PLEKHA4: variants seen among roughly 807,000 people sequenced by gnomAD.
The protein encoded by PLEKHA4 is pleckstrin homology domain-containing family A member 4.
In PLEKHA4, 73 loss-of-function variants were observed where a neutral mutation model predicts 94.7. The observed-to-expected ratio is 0.77, with a 90% CI of 0.64 to 0.94. The LOEUF is 0.94. PLEKHA4 is among the 40% of genes least tolerant of loss of function. PLEKHA4 has a pLI of 0.00. For synonymous variants in PLEKHA4, 449 were observed against 437.1 expected, an observed-to-expected ratio of 1.03 and a Z score of -0.34; for missense variants, 1,049 against 1,054.1, an observed-to-expected ratio of 1.00 and a Z score of 0.07.
intron 13 of PLEKHA4, among the ~76,000 whole-genome samples, chr19:48,848,703 A>C (rs1330731949): frequency 6.6e-6 from 1 of 151,260 alleles, no homozygotes; most frequent in East Asian, 2.0e-4. Context: ...AGGCTGAGGC[A>C]GGAGAATTGC....
Position 48,838,329 on chromosome 19 carries a change from A to AT in PLEKHA4, c.1965-201_1965-200insA, listed in dbSNP as rs2035621721. On this transcript the variant is annotated intron_variant, in intron 18 of 19. Transcript: ENST00000263265. ...CTAGATTGTTTATACATCAAAGGGT[A>AT]AATCCTTGAAAGGGGATGGATACCC... 21 of 399,884 alleles carry AT rather than the reference A, an allele frequency of 5.3e-5. 1 individual carries two copies. The South Asian group carries it at 9.3e-4, about 18-fold the overall frequency. The allele number at this position is 399,884 out of a possible 1,614,324, so 24.8% of individuals were successfully genotyped here.
rs748513152 is a variant in PLEKHA4, at chr19:48,845,652, T to C, written c.1567-36A>G. 9 of 1,367,432 alleles carry C rather than the reference T, an allele frequency of 6.6e-6. No individual in the cohort carries two copies. In the South Asian group the frequency reaches 1.2e-4, roughly 19 times the overall value. The allele number at this position is 1,367,432 out of a possible 1,614,324, so 84.7% of individuals were successfully genotyped here. ...TAGAAAAGGGGGATAATGATGATCA[T>C]TATAATAATTATTATTATTACCATG... On this transcript the variant is annotated intron_variant, in intron 14 of 19. Transcript: ENST00000263265.
At position 48,853,848 on chromosome 19, in the gene PLEKHA4, G is replaced by C. The variant is rs1425501851; in HGVS notation, c.1177-17C>G. On this transcript the variant is annotated splice_polypyrimidine_tract_variant and intron_variant, in intron 11 of 19. Coordinates refer to ENST00000263265, the MANE Select transcript of PLEKHA4 (RefSeq NM_020904.3). Reference sequence around the variant, plus strand: ...TAGTTGCTCCTGCACCAAGACAGAAGGTGGTTAGACTTCAGAAGCCATGCC... The same window carrying C: ...TAGTTGCTCCTGCACCAAGACAGAACGTGGTTAGACTTCAGAAGCCATGCC... 6.3e-7 allele frequency: 1 copy of C among 1,597,128 alleles called. No individual in the cohort carries two copies.
chr19:48,868,104 C>CG lies in PLEKHA4; in HGVS notation c.-29dup, dbSNP rs574381481. 7.8e-4 allele frequency: 126 copies of CG among 161,566 alleles called. No individual in the cohort carries two copies. Among genetic ancestry groups the CG allele is most frequent in the Middle Eastern group, 3.2e-3 (1 of 314 alleles). The allele number at this position is 161,566 out of a possible 1,614,324, so 10.0% of individuals were successfully genotyped here. ...TTACCCAGCTCTGGGGTCCCAGTGA[C>CG]GGGGGGGCAAGAGGACGGTGTGGGT... On this transcript the variant is annotated 5_prime_UTR_variant, in exon 1 of 20. Transcript: ENST00000263265.
chr19:48,861,258 C>G, intron 5 of PLEKHA4, 143 bp downstream of exon 5: 1 of 759,766 alleles, frequency 1.3e-6, no homozygotes, highest in East Asian at 2.5e-5. Context: ...AACGAGGATG[C>G]AATTGACGCT....
chr19:48,837,299 G>T lies in PLEKHA4; in HGVS notation c.2330C>A (p.Ser777Tyr), dbSNP rs1022311244. 3 of 1,613,888 alleles carry T rather than the reference G, an allele frequency of 1.9e-6. No homozygotes were observed. The highest frequency in any genetic ancestry group is 2.5e-6 in the Non-Finnish European group (3 of 1,180,032). Residue 777 changes from serine to tyrosine, a missense_variant, in exon 20 of 20, where the codon TCC (serine) becomes TAC (tyrosine). Physicochemically the swap from Ser to Tyr is moderately radical, Grantham distance 144. Transcript: ENST00000263265. The surrounding 1 kb of genome is among the most constrained non-coding windows in gnomAD (Gnocchi z 4.3). ...AWPLRVTLLQ[S>Y]SF ...CCGCTTTTGGGCGGATTAGAAGCTG[G>T]ATTGTAGCAGAGTGACTCGCAGAGG...
At position 48,837,200 on chromosome 19, in the gene PLEKHA4, G is replaced by T; in HGVS notation, c.*89C>A. The T allele has an allele frequency of 6.3e-7, 1 of 1,587,810 alleles. No individual in the cohort carries two copies. The highest frequency in any genetic ancestry group is 8.6e-7 in the Non-Finnish European group (1 of 1,157,748). ...GGGCCCGCAATGGGGACCAGACCAC[G>T]CCCCCTGATGCCCTGAGTGGTCCCA... On this transcript the variant is annotated 3_prime_UTR_variant, in exon 20 of 20. Coordinates refer to ENST00000263265, the MANE Select transcript of PLEKHA4 (RefSeq NM_020904.3). The surrounding 1 kb of genome is among the most constrained non-coding windows in gnomAD (Gnocchi z 4.3).
Position 48,858,040 on chromosome 19 carries a change from A to G in PLEKHA4, c.973-544T>C, listed in dbSNP as rs10425000. Among the ~76,000 whole-genome samples the G allele has an allele frequency of 8.8e-3, 1,342 of 152,198 alleles. 22 individuals carry two copies. The highest frequency in any genetic ancestry group is 0.03 in the African/African-American group (1,231 of 41,526). On this transcript the variant is annotated intron_variant, in intron 8 of 19. Coordinates refer to ENST00000263265, the MANE Select transcript of PLEKHA4 (RefSeq NM_020904.3). ...TGAGGTTCAGAACTGGGCCCTCTCA[A>G]CTTCCTCAACTACCTGCTCTCCAGC...
rs2035749109 is a variant in PLEKHA4 at position 48,841,169 on chromosome 19, G to A, written c.1885C>T (p.Gln629Ter). The A allele has an allele frequency of 1.9e-6, 3 of 1,611,040 alleles. No homozygotes were observed. Among genetic ancestry groups the A allele is most frequent in the African/African-American group, 2.7e-5 (2 of 74,906 alleles). Reference protein sequence around the residue: ...LGRTLSPARRQPDVEQRPVVG... With the variant: ...LGRTLSPARR ...CTCACCCTTTGCTCCACGTCAGGCTGGCGTCTGGCTGGGGACAGTGTCCTT... is the reference window on the plus strand; with the variant it reads ...CTCACCCTTTGCTCCACGTCAGGCTAGCGTCTGGCTGGGGACAGTGTCCTT... The change falls in exon 17 of 20, where the codon CAG (glutamine) becomes TAG (stop). Residue 629 changes from glutamine to a stop codon, truncating the protein, a stop_gained. Coordinates refer to ENST00000263265, the MANE Select transcript of PLEKHA4 (RefSeq NM_020904.3). LOFTEE classifies it high-confidence loss of function.
intron 18 of PLEKHA4, 24 bp downstream of exon 18, chr19:48,839,181 T>A: frequency 1.3e-6 from 2 of 1,544,304 alleles, no homozygotes; most frequent in Non-Finnish European, 1.8e-6. Context: ...TCCTGCTCCC[T>A]TGATACGCCC....
rs1405217043 is a variant in PLEKHA4 at position 48,861,452 on chromosome 19, A to G, written c.315T>C (p.Asn105=). Residue 105 remains asparagine (N), a synonymous_variant, in exon 5 of 20, where the codon AAT becomes AAC. Coordinates refer to ENST00000263265, the MANE Select transcript of PLEKHA4 (RefSeq NM_020904.3). ...VLGSVLLPSY[N]IRPDGPGAPR... is the part of the protein sequence containing the mutation. ...GGGCTCCCGGCCCATCTGGTCTAAT[A>G]TTGTAGCTGGGGAGCAGGACGCTGC... The G allele has an allele frequency of 6.2e-7, 1 of 1,613,932 alleles. No homozygotes were observed. Among genetic ancestry groups the G allele is most frequent in the Non-Finnish European group, 8.5e-7 (1 of 1,180,036 alleles).
Position 48,837,265 on chromosome 19 carries a change from G to T in PLEKHA4, c.*24C>A, listed in dbSNP as rs1399682421. The T allele has an allele frequency of 6.2e-7, 1 of 1,613,854 alleles. No individual in the cohort carries two copies. Among genetic ancestry groups the T allele is most frequent in the Non-Finnish European group, 8.5e-7 (1 of 1,180,004 alleles). Reference sequence around the variant, plus strand: ...CCTCCAGACCACGTCCTCGCGCTCCGATTGGCTGCCGCTTTTGGGCGGATT... The same window carrying T: ...CCTCCAGACCACGTCCTCGCGCTCCTATTGGCTGCCGCTTTTGGGCGGATT... On this transcript the variant is annotated 3_prime_UTR_variant, in exon 20 of 20. Transcript: ENST00000263265. This position sits in a 1 kb window ranked among gnomAD's most constrained non-coding sequence, Gnocchi z 4.3.
intron 5 of PLEKHA4, 65 bp from the exon 6 acceptor site, chr19:48,860,524 C>T (rs937566739): frequency 7.9e-6 from 10 of 1,262,658 alleles, no homozygotes; most frequent in African/African-American, 1.5e-5. Context: ...CAGGCCGGAC[C>T]GGTGACTCAT....
intron 5 of PLEKHA4, among the ~76,000 whole-genome samples, chr19:48,860,926 G>T (rs529912110): frequency 6.6e-6 from 1 of 152,272 alleles, no homozygotes. Context: ...GAAAGGACTG[G>T]ACAGACGCGG....
At chr19:48,843,042 A>G (rs2035826816) in intron 16 of PLEKHA4, among the ~76,000 whole-genome samples, 1 of 152,068 alleles carries the variant, frequency 6.6e-6, no homozygotes, top group Non-Finnish European at 1.5e-5. Context: ...GCAGGCTCCA[A>G]TCATCCATGC....
chr19:48,856,068 C>A (rs2123069372), intron 9 of PLEKHA4, among the ~76,000 whole-genome samples: 1 of 149,550 alleles, frequency 6.7e-6, no homozygotes, highest in South Asian at 2.1e-4. Flanking sequence ...GCTACTCGGG[C>A]AGCTGAGGCA....
Position 48,837,399 on chromosome 19 carries a change from C to G in PLEKHA4, c.2230G>C (p.Gly744Arg), listed in dbSNP as rs749466462. Reference protein sequence around the residue: ...FSRRGSGRGGGPTPWGPAWDA... With the variant: ...FSRRGSGRGGRPTPWGPAWDA... ...CACGCGGGCCCCCAGGGGGTGGGACCTCCTCCACGCCCACTCCCTCGGCGA... is the reference window on the plus strand; with the variant it reads ...CACGCGGGCCCCCAGGGGGTGGGACGTCCTCCACGCCCACTCCCTCGGCGA... The change falls in exon 20 of 20, where the codon GGT becomes CGT. Residue 744 changes from glycine (G) to arginine (R), a missense_variant. By Grantham distance (125) the Gly-to-Arg change is moderately radical. Transcript: ENST00000263265. The surrounding 1 kb of genome is among the most constrained non-coding windows in gnomAD (Gnocchi z 4.3). 6.2e-6 allele frequency: 10 copies of G among 1,613,672 alleles called. No homozygotes were observed. The highest frequency in any genetic ancestry group is 1.7e-4 in the Middle Eastern group (1 of 6,058).
chr19:48,859,186 C>G, intron 7 of PLEKHA4, 47 bp from the exon 8 acceptor site: 1 of 1,355,198 alleles, frequency 7.4e-7, no homozygotes, highest in East Asian at 2.5e-5. Flanking sequence ...AGAGCCCTCT[C>G]CATCCACCTC....
intron 9 of PLEKHA4, among the ~76,000 whole-genome samples, 157 bp downstream of exon 9, chr19:48,857,265 C>A (rs73061629): frequency 0.097 from 14,702 of 152,142 alleles, 969 homozygotes; most frequent in Non-Finnish European, 0.14. Flanking sequence ...TTCGGCCATG[C>A]GCTTTGTTAC....
Sources: allele counts gnomAD v4.1 joint callset (sites outside exome capture counted in the v4.1 genomes callset), GRCh38; gene constraint gnomAD v4.1.1; non-coding constraint Gnocchi (gnomAD v3.1); transcripts MANE v1.5; gene names NCBI Gene and HGNC (gene_info 2026-07-23, HGNC 2026-07-21).